FGB: variants seen among roughly 807,000 people sequenced by gnomAD.
FGB encodes fibrinogen beta chain, also known as beta-fibrinogen.
A neutral mutation model predicts 57.9 loss-of-function variants in FGB; 25 were observed. That is an observed-to-expected ratio of 0.43 (90% CI 0.31 to 0.60). The LOEUF is 0.60. FGB is among the 20% of genes least tolerant of loss of function. The pLI, the probability that FGB is intolerant of heterozygous loss-of-function variation, is 0.08. For missense variants in FGB, 536 were observed against 598.4 expected (o/e 0.90, Z 1.09); for synonymous variants, 203 against 199.2 (o/e 1.02, Z -0.16).
intron 7 of FGB, 48 bp from the exon 8 acceptor site, chr4:154,570,371 G>C: frequency 6.9e-7 from 1 of 1,443,714 alleles, no homozygotes; most frequent in Non-Finnish European, 9.7e-7. Flanking sequence ...AACGTAACTT[G>C]ACCACCGTAG....
intron 7 of FGB, 139 bp downstream of exon 7, chr4:154,569,938 G>A (rs939518301): frequency 4.3e-5 from 36 of 833,972 alleles, no homozygotes; most frequent in Non-Finnish European, 6.1e-5. Context: ...TGCATCACTC[G>A]AAAGCATTTC....
At chr4:154,565,739 G>A (rs2110760639) in intron 1 of FGB, 69 bp from the exon 2 acceptor site, 1 of 1,438,092 alleles carries the variant, frequency 7.0e-7, no homozygotes, top group Non-Finnish European at 9.7e-7. Context: ...TAAAATGAGG[G>A]TGTTGGAATA....
At chr4:154,564,859 G>T (rs973366619) in intron 1 of FGB, among the ~76,000 whole-genome samples, 1 of 152,050 alleles carries the variant, frequency 6.6e-6, no homozygotes, top group African/African-American at 2.4e-5. Flanking sequence ...TTTTAAGTTA[G>T]CAAGTAATTT....
At chr4:154,564,476 T>C (rs1427708322) in intron 1 of FGB, among the ~76,000 whole-genome samples, 6 of 152,152 alleles carry the variant, frequency 3.9e-5, no homozygotes, top group Non-Finnish European at 7.4e-5. Flanking sequence ...ATGTGAAATA[T>C]GTATATATCC....
chr4:154,563,037 T>G lies in FGB; in HGVS notation c.19T>G (p.Trp7Gly). Residue 7 changes from tryptophan (W) to glycine (G), a missense_variant, in exon 1 of 8, where the codon TGG becomes GGG. Trp to Gly is a radical substitution (Grantham distance 184, BLOSUM62 -2). Coordinates refer to ENST00000302068, the MANE Select transcript of FGB (RefSeq NM_005141.5). ...AGTCTACATGAAAAGGATGGTTTCT[T>G]GGAGCTTCCACAAACTTAAAACCAT... is the stretch of plus-strand genomic sequence containing the variant. Reference protein sequence around the residue: MKRMVSWSFHKLKTMKH... With the variant: MKRMVSGSFHKLKTMKH... The G allele has an allele frequency of 6.4e-7, 1 of 1,557,594 alleles. No individual in the cohort carries two copies. The highest frequency in any genetic ancestry group is 1.2e-5 in the South Asian group (1 of 85,000).
intron 4 of FGB, among the ~76,000 whole-genome samples, 186 bp from the exon 5 acceptor site, chr4:154,568,195 C>T (rs189320975): frequency 1.3e-5 from 2 of 152,210 alleles, no homozygotes; most frequent in Admixed American, 6.5e-5. Flanking sequence ...AGCAGATAAA[C>T]GTCCTCAAAA....
rs758981171 is a variant in FGB at position 154,571,728 on chromosome 4, T to C, written c.*1078T>C. ...GTAAAAGTGGTTTTTCTGTTCTTTC[T>C]ACTTCTCCCCATGAAATGGGCATAT... On this transcript the variant is annotated 3_prime_UTR_variant, in exon 8 of 8. Coordinates refer to ENST00000302068, the MANE Select transcript of FGB (RefSeq NM_005141.5). 1.3e-5 allele frequency among the ~76,000 whole-genome samples: 2 copies of C among 152,186 alleles called. No individual in the cohort carries two copies. The highest frequency in any genetic ancestry group is 4.8e-5 in the African/African-American group (2 of 41,434).
At chr4:154,567,433 C>T (rs558923391) in intron 3 of FGB, among the ~76,000 whole-genome samples, 160 bp from the exon 4 acceptor site, 7 of 152,208 alleles carry the variant, frequency 4.6e-5, no homozygotes, top group Middle Eastern at 6.8e-3. Flanking sequence ...ATATGTCATG[C>T]GCCAAATCAT....
chr4:154,570,965 A>G lies in FGB; in HGVS notation c.*315A>G, dbSNP rs1730399144. 1 of 382,146 alleles carries G rather than the reference A, an allele frequency of 2.6e-6. No individual in the cohort carries two copies. 23.7% of individuals were successfully genotyped at this position (382,146 alleles called of 1,614,324 possible). ...CTTTTATCCTTGTCGTAGGAAAACCATGACGGAAAGGAAAAACTGATGTTT... is the reference window on the plus strand; with the variant it reads ...CTTTTATCCTTGTCGTAGGAAAACCGTGACGGAAAGGAAAAACTGATGTTT... On this transcript the variant is annotated 3_prime_UTR_variant, in exon 8 of 8. Coordinates refer to ENST00000302068, the MANE Select transcript of FGB (RefSeq NM_005141.5).
intron 7 of FGB, among the ~76,000 whole-genome samples, chr4:154,570,163 G>A (rs965879510): frequency 5.3e-5 from 8 of 152,144 alleles, no homozygotes; most frequent in African/African-American, 1.9e-4. Flanking sequence ...CTGATACTAA[G>A]GGTTGTAAAA....
At chr4:154,568,332 A>C in intron 4 of FGB, 49 bp from the exon 5 acceptor site, 1 of 962,994 alleles carries the variant, frequency 1.0e-6, no homozygotes, top group South Asian at 1.3e-5. Context: ...CTAAATACAA[A>C]GTAATTATGT....
chr4:154,570,524 A>T lies in FGB; in HGVS notation c.1350A>T (p.Gly450=), dbSNP rs1386815600. 6.2e-7 allele frequency: 1 copy of T among 1,613,994 alleles called. No homozygotes were observed. Among genetic ancestry groups the T allele is most frequent in the African/African-American group, 1.3e-5 (1 of 74,916 alleles). Residue 450 remains glycine, a synonymous_variant, in exon 8 of 8, where the codon GGA becomes GGT. Coordinates refer to ENST00000302068, the MANE Select transcript of FGB (RefSeq NM_005141.5). ...ANPNGRYYWG[G]QYTWDMAKHG... ...CAAACGGCAGATACTACTGGGGTGGACAGTACACCTGGGACATGGCAAAGC... is the reference window on the plus strand; with the variant it reads ...CAAACGGCAGATACTACTGGGGTGGTCAGTACACCTGGGACATGGCAAAGC...
Position 154,571,087 on chromosome 4 carries a change from G to A in FGB, c.*437G>A. ...ATTAAACCAGACTCTGTTGCAATAA[G>A]TTAATGTTTTCTTGTTTTGTAATCC... On this transcript the variant is annotated 3_prime_UTR_variant, in exon 8 of 8. Transcript: ENST00000302068. The A allele has an allele frequency of 3.7e-6, 1 of 268,666 alleles. No homozygotes were observed. The highest frequency in any genetic ancestry group is 7.2e-6 in the Non-Finnish European group (1 of 139,560). 16.6% of individuals were successfully genotyped at this position (268,666 alleles called of 1,614,324 possible).
intron 4 of FGB, 83 bp from the exon 5 acceptor site, chr4:154,568,298 A>C: frequency 1.3e-6 from 1 of 790,508 alleles, no homozygotes; most frequent in Non-Finnish European, 2.3e-6. Flanking sequence ...TAACTTATGT[A>C]ATGTTATTTT....
At chr4:154,569,092 T>C (rs1730299950) in intron 5 of FGB, 90 bp from the exon 6 acceptor site, 1 of 1,369,982 alleles carries the variant, frequency 7.3e-7, no homozygotes, top group South Asian at 1.2e-5. Flanking sequence ...ATATACTAAA[T>C]GGAATGGACA....
Position 154,563,099 on chromosome 4 carries a change from A to G in FGB, c.81A>G (p.Leu27=), listed in dbSNP as rs1301598743. Residue 27 remains leucine (L), a synonymous_variant, in exon 1 of 8, where the codon CTA becomes CTG. Coordinates refer to ENST00000302068, the MANE Select transcript of FGB (RefSeq NM_005141.5). The part of the protein sequence containing the change: ...HLLLLLLCVF[L]VKSQGVNDNE... ...TATTGCTACTATTGTGTGTTTTTCT[A>G]GTTAAGTCCCAAGGTGTCAACGACA... 2.6e-6 allele frequency: 4 copies of G among 1,567,126 alleles called. No individual in the cohort carries two copies. The highest frequency in any genetic ancestry group is 4.7e-5 in the East Asian group (2 of 42,866).
chr4:154,568,657 G>A (rs536176625), intron 5 of FGB, among the ~76,000 whole-genome samples, 163 bp downstream of exon 5: 1 of 133,974 alleles, frequency 7.5e-6, no homozygotes. Context: ...ACTAGCCTGG[G>A]CAACATAATG....
At chr4:154,565,785 T>C (rs747964365) in intron 1 of FGB, 23 bp from the exon 2 acceptor site, 7 of 1,610,526 alleles carry the variant, frequency 4.3e-6, no homozygotes, top group Non-Finnish European at 5.9e-6. Context: ...CTCTGTATTA[T>C]ATTTCTGCCT....
intron 5 of FGB, among the ~76,000 whole-genome samples, chr4:154,568,777 C>T (rs1730286171): frequency 6.7e-6 from 1 of 149,744 alleles, no homozygotes. Flanking sequence ...GATGGGAGAT[C>T]ACCTGAGCCC....
Sources: allele counts gnomAD v4.1 joint callset (sites outside exome capture counted in the v4.1 genomes callset), GRCh38; gene constraint gnomAD v4.1.1; transcripts MANE v1.5; gene names NCBI Gene and HGNC (gene_info 2026-07-23, HGNC 2026-07-21).